Variants in DRICH1 observed in about 807,000 individuals in gnomAD.
The protein encoded by DRICH1 is aspartate-rich protein 1.
DRICH1 carries 38 observed loss-of-function variants against 39.5 expected under a neutral mutation model. The observed-to-expected ratio is 0.96, with a 90% CI of 0.74 to 1.26. DRICH1 has a LOEUF of 1.26. Ranked by LOEUF, DRICH1 falls within the 50% of genes most tolerant of loss-of-function variation. The pLI is 0.00. For synonymous variants in DRICH1, 84 were observed against 99.5 expected (o/e 0.84, Z 0.93); for missense variants, 279 against 270.4 (o/e 1.03, Z -0.22).
chr22:23,587,697 AC>A, the DRICH1 span, among the ~76,000 whole-genome samples: 1 of 152,184 alleles, frequency 6.6e-6, no homozygotes, highest in African/African-American at 2.4e-5. Flanking sequence ...TGCCCCAGGA[AC>A]CAGGCCCAAG....
At chr22:23,613,948 T>C (rs1927193591) in intron 9 of DRICH1, among the ~76,000 whole-genome samples, 187 bp downstream of exon 9, 1 of 152,202 alleles carries the variant, frequency 6.6e-6, no homozygotes, top group African/African-American at 2.4e-5. Flanking sequence ...GATGCTGTCA[T>C]TTAAAAGCAC....
At chr22:23,582,572 T>TATTATTA in the DRICH1 span, among the ~76,000 whole-genome samples, 12 of 148,754 alleles carry the variant, frequency 8.1e-5, no homozygotes, top group Admixed American at 2.7e-4. Flanking sequence ...TTATTATTAT[T>TATTATTA]ATTATTATTT....
chr22:23,616,909 A>G (rs369857225), intron 7 of DRICH1, 35 bp from the exon 8 acceptor site: 54 of 1,612,424 alleles, frequency 3.3e-5, no homozygotes, highest in South Asian at 7.7e-5. Flanking sequence ...TGTAAGGATC[A>G]GATCAATTCT....
At chr22:23,613,260 T>C in intron 11 of DRICH1, 29 bp downstream of exon 11, 1 of 1,595,176 alleles carries the variant, frequency 6.3e-7, no homozygotes, top group Non-Finnish European at 8.6e-7. Context: ...CTTTTCCCAT[T>C]GGGTTTTTGC....
intron 6 of DRICH1, among the ~76,000 whole-genome samples, chr22:23,618,425 T>C (rs1927509112): frequency 6.6e-6 from 1 of 152,036 alleles, no homozygotes; most frequent in South Asian, 2.1e-4. Flanking sequence ...ATCACAATTT[T>C]TTTTTTCATA....
At chr22:23,596,212 A>G in the DRICH1 span, among the ~76,000 whole-genome samples, 1 of 151,904 alleles carries the variant, frequency 6.6e-6, no homozygotes, top group Non-Finnish European at 1.5e-5. Context: ...CTTTCCTGTG[A>G]GGCCAGTTCT....
In DRICH1 at chr22:23,629,537, CTAA is replaced by C. The variant is rs567214209; in HGVS notation, c.208+2276_208+2278del. Among the ~76,000 whole-genome samples, 1,346 of 152,292 alleles carry C rather than the reference CTAA, an allele frequency of 8.8e-3. 8 individuals carry two copies. Among genetic ancestry groups the C allele is most frequent in the Non-Finnish European group, 0.013 (884 of 68,012 alleles). ...TCCAATGAGGGTGATCGGCACCAGG[CTAA>C]TAATAATATTGTCCTGAGTTCTGAC... On this transcript the variant is annotated intron_variant, in intron 1 of 11. Coordinates refer to ENST00000317749, the MANE Select transcript of DRICH1 (RefSeq NM_016449.4).
Position 23,631,969 on chromosome 22 carries a change from TC to T in DRICH1, c.54del (p.Lys19ArgfsTer26). The T allele has an allele frequency of 6.2e-7, 1 of 1,613,484 alleles. No individual in the cohort carries two copies. Among genetic ancestry groups the T allele is most frequent in the Non-Finnish European group, 8.5e-7 (1 of 1,179,960 alleles). ...CINSHCGWPR[G>X]KDAPCYESDT... Reference sequence around the variant, plus strand: ...TCAGATTCATAACAGGGTGCGTCCTTCCCCCTGGGCCAGCCACAGTGGGAGT... The same window carrying T: ...TCAGATTCATAACAGGGTGCGTCCTTCCCCTGGGCCAGCCACAGTGGGAGT... On this transcript the variant is annotated frameshift_variant, in exon 1 of 12. Transcript: ENST00000317749. LOFTEE classifies it high-confidence loss of function.
chr22:23,608,576 T>C lies in DRICH1; in HGVS notation c.*188A>G, dbSNP rs1926859273. 5.0e-6 allele frequency: 3 copies of C among 596,710 alleles called. No individual in the cohort carries two copies. Among genetic ancestry groups the C allele is most frequent in the Admixed American group, 2.7e-5 (1 of 37,176 alleles). 37.0% of individuals were successfully genotyped at this position (596,710 alleles called of 1,614,324 possible). On this transcript the variant is annotated 3_prime_UTR_variant, in exon 12 of 12. Transcript: ENST00000317749. Reference sequence around the variant, plus strand: ...AGGCCCAGAAGCACTGGGTCCTGGATGGTACAGGCCAAACCTAGTGCTGGC... The same window carrying C: ...AGGCCCAGAAGCACTGGGTCCTGGACGGTACAGGCCAAACCTAGTGCTGGC...
At chr22:23,625,295 CTT>C (rs1309291293) in intron 2 of DRICH1, among the ~76,000 whole-genome samples, 1 of 152,018 alleles carries the variant, frequency 6.6e-6, no homozygotes, top group Admixed American at 6.6e-5. Flanking sequence ...CATAATGTGT[CTT>C]GTTATATTTT....
chr22:23,618,300 G>A (rs749837228), intron 6 of DRICH1, among the ~76,000 whole-genome samples: 9 of 151,628 alleles, frequency 5.9e-5, no homozygotes, highest in South Asian at 2.1e-4. Context: ...ATTTTTAGTG[G>A]AGTTGGAGTT....
intron 4 of DRICH1, 122 bp from the exon 5 acceptor site, chr22:23,620,737 G>T: frequency 8.9e-7 from 1 of 1,119,906 alleles, no homozygotes; most frequent in African/African-American, 1.5e-5. Context: ...TTGAGTCAAG[G>T]TCAAAGGCCA....
intron 11 of DRICH1, among the ~76,000 whole-genome samples, chr22:23,609,555 C>T (rs1424715975): frequency 6.6e-6 from 1 of 152,142 alleles, no homozygotes; most frequent in Non-Finnish European, 1.5e-5. Flanking sequence ...CACCCCCTGA[C>T]CAGGGGTACA....
At chr22:23,581,301 G>A in the DRICH1 span, 15,993 of 152,156 alleles carry the variant, frequency 0.11, 1,334 homozygotes, top group East Asian at 0.41. Context: ...CAGCATCCCC[G>A]ACCCTCTCCC....
intron 5 of DRICH1, among the ~76,000 whole-genome samples, 177 bp from the exon 6 acceptor site, chr22:23,619,570 G>A (rs1375398914): frequency 7.5e-6 from 1 of 133,506 alleles, no homozygotes; most frequent in Non-Finnish European, 1.6e-5. Context: ...CACAGATATA[G>A]AATACAGAGC....
intron 11 of DRICH1, among the ~76,000 whole-genome samples, chr22:23,610,709 G>T (rs1311858097): frequency 5.3e-5 from 8 of 152,090 alleles, no homozygotes; most frequent in African/African-American, 1.9e-4. Flanking sequence ...ATTGCCTAAA[G>T]AACTTCATAC....
downstream of DRICH1, among the ~76,000 whole-genome samples, chr22:23,605,971 G>A (rs1043197814): frequency 2.6e-5 from 4 of 151,786 alleles, no homozygotes; most frequent in African/African-American, 4.8e-5. Context: ...CTACTTGGGA[G>A]GCTGAGGTAG....
rs1340810456 is a variant in DRICH1 at position 23,626,018 on chromosome 22, A to G, written c.239T>C (p.Phe80Ser). The G allele has an allele frequency of 6.2e-7, 1 of 1,613,528 alleles. No individual in the cohort carries two copies. The highest frequency in any genetic ancestry group is 2.2e-5 in the East Asian group (1 of 44,872). Residue 80 changes from phenylalanine to serine, a missense_variant, in exon 2 of 12, where the codon TTT becomes TCT. Transcript: ENST00000317749. ...GPPEDRLSLKFLPSSEEDNDD... is the reference protein window; with the variant it reads ...GPPEDRLSLKSLPSSEEDNDD... ...ATTGTCTTCCTCACTTGATGGCAGAAATTTTAAACTCAGGCGGTCCTCAGG... is the reference window on the plus strand; with the variant it reads ...ATTGTCTTCCTCACTTGATGGCAGAGATTTTAAACTCAGGCGGTCCTCAGG...
chr22:23,627,868 C>G (rs57924858), intron 1 of DRICH1, among the ~76,000 whole-genome samples: 1,708 of 152,242 alleles, frequency 0.011, 28 homozygotes, highest in African/African-American at 0.038. Flanking sequence ...CTAGATCCCA[C>G]CCCAGAGGCG....
Sources: allele counts gnomAD v4.1 joint callset (sites outside exome capture counted in the v4.1 genomes callset), GRCh38; gene constraint gnomAD v4.1.1; transcripts MANE v1.5; gene names NCBI Gene and HGNC (gene_info 2026-07-23, HGNC 2026-07-21).